TRAPPC9: variants seen among roughly 807,000 people sequenced by gnomAD.
TRAPPC9 encodes the protein IKK2 binding protein.
A neutral mutation model predicts 124.0 loss-of-function variants in TRAPPC9; 83 were observed. That is an observed-to-expected ratio of 0.67 (90% CI 0.56 to 0.80). The LOEUF is 0.80. Ranked by LOEUF, TRAPPC9 falls within the 30% of genes least tolerant of loss-of-function variation. The pLI is 0.00. For synonymous variants in TRAPPC9, 638 were observed against 617.5 expected (o/e 1.03, Z -0.49); for missense variants, 1,302 against 1,508.3 (o/e 0.86, Z 2.27).
chr8:140,384,804 C>T (rs2068709326), intron 7 of TRAPPC9, among the ~76,000 whole-genome samples: 1 of 152,192 alleles, frequency 6.6e-6, no homozygotes, highest in Non-Finnish European at 1.5e-5. Context: ...GAACTCAGCT[C>T]TGCACCAAGC....
At position 139,898,317 on chromosome 8, in the gene TRAPPC9, A is replaced by G. The variant is rs575124321; in HGVS notation, c.2964+11830T>C. On this transcript the variant is annotated intron_variant, in intron 20 of 22. Coordinates refer to ENST00000438773, the MANE Select transcript of TRAPPC9 (RefSeq NM_001160372.4). ...GGCCATGACCGATTTCCCAAACTAG[A>G]CCCCGGTAAGCATCCTGAGGACAAG... 1.1e-3 allele frequency among the ~76,000 whole-genome samples: 160 copies of G among 151,980 alleles called. 1 individual carries two copies. Among genetic ancestry groups the G allele is most frequent in the African/African-American group, 3.2e-3 (131 of 41,456 alleles).
At chr8:140,413,968 C>T (rs963391598) in intron 5 of TRAPPC9, among the ~76,000 whole-genome samples, 7 of 151,914 alleles carry the variant, frequency 4.6e-5, no homozygotes, top group Non-Finnish European at 1.0e-4. Context: ...CCGCAATAAA[C>T]ATACGTGTGC....
intron 9 of TRAPPC9, among the ~76,000 whole-genome samples, chr8:140,319,010 A>C (rs539509942): frequency 3.3e-5 from 5 of 152,268 alleles, no homozygotes; most frequent in African/African-American, 1.2e-4. Flanking sequence ...AGCTTGTGAA[A>C]AATTTGACAT....
At chr8:140,240,400 C>A (rs779269016) in intron 16 of TRAPPC9, among the ~76,000 whole-genome samples, 1 of 152,268 alleles carries the variant, frequency 6.6e-6, no homozygotes, top group Non-Finnish European at 1.5e-5. Flanking sequence ...TTCTGACCCC[C>A]CCAGGCTACG....
rs562139442 is a variant in TRAPPC9, at chr8:139,895,044, C to T, written c.2965-9075G>A. 3.1e-4 allele frequency among the ~76,000 whole-genome samples: 47 copies of T among 152,302 alleles called. No individual in the cohort carries two copies. The South Asian group carries it at 3.3e-3, about 11-fold the overall frequency. Reference sequence around the variant, plus strand: ...CTTACTCAGGGAAAGAACCAGAAACCGGAGGGCTCAACCACACGTCCCGGG... The same window carrying T: ...CTTACTCAGGGAAAGAACCAGAAACTGGAGGGCTCAACCACACGTCCCGGG... On this transcript the variant is annotated intron_variant, in intron 20 of 22. Coordinates refer to ENST00000438773, the MANE Select transcript of TRAPPC9 (RefSeq NM_001160372.4).
intron 18 of TRAPPC9, among the ~76,000 whole-genome samples, chr8:140,015,042 C>T (rs1322087498): frequency 6.6e-6 from 1 of 152,276 alleles, no homozygotes; most frequent in African/African-American, 2.4e-5. Flanking sequence ...AAATAACTCA[C>T]ATCCATTTGT....
At chr8:140,408,287 G>A (rs908608103) in intron 5 of TRAPPC9, among the ~76,000 whole-genome samples, 1 of 152,044 alleles carries the variant, frequency 6.6e-6, no homozygotes, top group Non-Finnish European at 1.5e-5. Flanking sequence ...TCACGGGGAG[G>A]GGGGAAGGTT....
rs562543358 is a variant in TRAPPC9, at chr8:140,374,350, A to G, written c.1135-3170T>C. On this transcript the variant is annotated intron_variant, in intron 7 of 22. Coordinates refer to ENST00000438773, the MANE Select transcript of TRAPPC9 (RefSeq NM_001160372.4). ...TTTGGGAGGCCGAGGCAGGCAGATC[A>G]CCTGAGGTTGGGAGTTCGAGACCAG... Among the ~76,000 whole-genome samples the G allele has an allele frequency of 1.5e-3, 236 of 152,314 alleles. 2 individuals are homozygous for G. The highest frequency in any genetic ancestry group is 8.8e-4 in the Non-Finnish European group (60 of 68,026).
At chr8:139,758,576 G>A (rs1586782696) in intron 21 of TRAPPC9, among the ~76,000 whole-genome samples, 1 of 152,174 alleles carries the variant, frequency 6.6e-6, no homozygotes, top group Admixed American at 6.5e-5. Context: ...GGGTACGAGG[G>A]AAGCACCTCG....
At chr8:140,396,469 T>C (rs2069100582) in intron 7 of TRAPPC9, among the ~76,000 whole-genome samples, 1 of 152,020 alleles carries the variant, frequency 6.6e-6, no homozygotes, top group African/African-American at 2.4e-5. Context: ...CCCGCCGCTC[T>C]TAGAAGCAGC....
intron 5 of TRAPPC9, among the ~76,000 whole-genome samples, chr8:140,422,369 C>T (rs1284080369): frequency 1.3e-5 from 2 of 152,054 alleles, no homozygotes; most frequent in African/African-American, 4.8e-5. Flanking sequence ...CTTCAAAGGA[C>T]ACCATATCAA....
chr8:140,018,948 T>C (rs979687012), intron 18 of TRAPPC9, among the ~76,000 whole-genome samples: 20 of 152,232 alleles, frequency 1.3e-4, no homozygotes, highest in Non-Finnish European at 1.5e-5. Flanking sequence ...GGGTTTCTTG[T>C]AGATGGCCTT....
At chr8:140,109,797 G>A (rs1417217376) in intron 17 of TRAPPC9, among the ~76,000 whole-genome samples, 1 of 152,204 alleles carries the variant, frequency 6.6e-6, no homozygotes, top group Non-Finnish European at 1.5e-5. Context: ...CAAAACAGAA[G>A]GCAGACACAG....
chr8:140,120,855 C>T (rs1299624342), intron 17 of TRAPPC9, among the ~76,000 whole-genome samples: 1 of 152,118 alleles, frequency 6.6e-6, no homozygotes, highest in Admixed American at 6.5e-5. Flanking sequence ...TCCATCCATC[C>T]ATCCAACATT....
At chr8:140,172,372 A>AGTTAAACTACCTATGGGCAATGGAGGGGG (rs1563816444) in intron 17 of TRAPPC9, among the ~76,000 whole-genome samples, 5 of 143,746 alleles carry the variant, frequency 3.5e-5, no homozygotes, top group Non-Finnish European at 7.6e-5. Context: ...ATGGAGGGGG[A>AGTTAAACTACCTATGGGCAATGGAGGGGG]GTTAAACTAC....
In TRAPPC9 at chr8:140,243,729, A is replaced by AT. The variant is rs2063916063; in HGVS notation, c.2431+9047dup. ...TTACATGAACTGCTATCATATCCCC[A>AT]TTTTTGAAAAAAGCAAGTCTCCATT... On this transcript the variant is annotated intron_variant, in intron 16 of 22. Transcript: ENST00000438773. Among the ~76,000 whole-genome samples, 3 of 152,292 alleles carry AT rather than the reference A, an allele frequency of 2.0e-5. No individual in the cohort carries two copies. In the South Asian group the frequency reaches 6.2e-4, roughly 32 times the overall value.
At chr8:140,367,522 CA>C (rs2068151841) in intron 8 of TRAPPC9, among the ~76,000 whole-genome samples, 1 of 152,002 alleles carries the variant, frequency 6.6e-6, no homozygotes, top group Non-Finnish European at 1.5e-5. Flanking sequence ...TCTGGAAAGG[CA>C]AAACTATGGA....
At chr8:139,855,009 G>C (rs909122750) in intron 21 of TRAPPC9, among the ~76,000 whole-genome samples, 7 of 152,170 alleles carry the variant, frequency 4.6e-5, no homozygotes, top group African/African-American at 1.7e-4. Context: ...TTCATTCAAA[G>C]CTGGCACGGT....
chr8:140,388,408 G>A (rs2068820590), intron 7 of TRAPPC9, among the ~76,000 whole-genome samples: 1 of 151,998 alleles, frequency 6.6e-6, no homozygotes, highest in South Asian at 2.1e-4. Flanking sequence ...AGGGGGCCGA[G>A]TGCGGTGGCT....
Sources: gnomAD v4.1 joint callset for allele counts (sites outside exome capture counted in the v4.1 genomes callset) on GRCh38, gnomAD v4.1.1 for gene constraint, MANE v1.5 for transcripts, NCBI Gene and HGNC (gene_info 2026-07-23, HGNC 2026-07-21) for gene names.